Variants in CARMIL1 observed in about 807,000 individuals in gnomAD.
CARMIL1 encodes F-actin-uncapping protein LRRC16A.
A neutral mutation model predicts 177.1 loss-of-function variants in CARMIL1; 90 were observed. The ratio of observed to expected loss-of-function variants is 0.51; its 90% CI spans 0.43 to 0.61. CARMIL1 has a LOEUF of 0.61. Among genes scored for constraint, CARMIL1 ranks in the 20% least tolerant of loss-of-function variants. The pLI is 0.00. For synonymous variants in CARMIL1, 577 were observed against 606.2 expected (o/e 0.95, Z 0.71); for missense variants, 1,380 against 1,667.0 (o/e 0.83, Z 3.00).
chr6:25,587,161 C>T (rs905068608), intron 31 of CARMIL1, among the ~76,000 whole-genome samples: 91 of 152,174 alleles, frequency 6.0e-4, no homozygotes, highest in African/African-American at 2.1e-3. Context: ...GATATTTTAG[C>T]TATATGTTTT....
At chr6:25,406,956 G>GAAT (rs144837983) in intron 2 of CARMIL1, among the ~76,000 whole-genome samples, 64,742 of 151,452 alleles carry the variant, frequency 0.43, 13,986 homozygotes, top group Middle Eastern at 0.57. Flanking sequence ...ATGTGACTAG[G>GAAT]AATAACCACA....
At chr6:25,311,127 A>G (rs1783785379) in intron 2 of CARMIL1, among the ~76,000 whole-genome samples, 1 of 152,192 alleles carries the variant, frequency 6.6e-6, no homozygotes, top group Admixed American at 6.5e-5. Flanking sequence ...GGTTGCAGTG[A>G]GCCAAGATCG....
intron 29 of CARMIL1, among the ~76,000 whole-genome samples, chr6:25,567,997 G>C (rs1811702344): frequency 6.6e-6 from 1 of 152,116 alleles, no homozygotes; most frequent in Non-Finnish European, 1.5e-5. Context: ...CCATCTCTCA[G>C]GGCCGAGGCC....
At chr6:25,374,549 G>C (rs1262276316) in intron 2 of CARMIL1, among the ~76,000 whole-genome samples, 1 of 152,296 alleles carries the variant, frequency 6.6e-6, no homozygotes, top group East Asian at 1.9e-4. Flanking sequence ...ATTTGTTCTA[G>C]AGTATAGTTT....
At chr6:25,514,529 G>A (rs558421545) in intron 20 of CARMIL1, among the ~76,000 whole-genome samples, 21 of 139,888 alleles carry the variant, frequency 1.5e-4, no homozygotes, top group African/African-American at 5.5e-4. Flanking sequence ...CAGCTTGGGG[G>A]GACAGAGCGA....
intron 2 of CARMIL1, among the ~76,000 whole-genome samples, chr6:25,294,097 G>A (rs1229045172): frequency 6.6e-6 from 1 of 152,180 alleles, no homozygotes; most frequent in Non-Finnish European, 1.5e-5. Context: ...CTTTAGATAT[G>A]TGTAGATGCA....
intron 2 of CARMIL1, among the ~76,000 whole-genome samples, chr6:25,402,702 G>A (rs1213123372): frequency 2.6e-5 from 4 of 152,066 alleles, no homozygotes; most frequent in African/African-American, 4.8e-5. Flanking sequence ...GTCACACTTC[G>A]AGTGCTTAGT....
chr6:25,478,392 C>G (rs998769441), intron 11 of CARMIL1, among the ~76,000 whole-genome samples: 7 of 152,152 alleles, frequency 4.6e-5, no homozygotes, highest in African/African-American at 1.7e-4. Flanking sequence ...TGTACCTCAG[C>G]TTCCTTATAT....
At chr6:25,432,463 AT>A (rs1365337761) in intron 4 of CARMIL1, among the ~76,000 whole-genome samples, 1 of 152,050 alleles carries the variant, frequency 6.6e-6, no homozygotes, top group Non-Finnish European at 1.5e-5. Flanking sequence ...TACTATTGCT[AT>A]TTTCCCCTTT....
intron 35 of CARMIL1, among the ~76,000 whole-genome samples, chr6:25,609,721 A>C (rs1195108826): frequency 6.6e-6 from 1 of 152,344 alleles, no homozygotes; most frequent in South Asian, 2.1e-4. Flanking sequence ...TATTTTATGA[A>C]AACCAAACAG....
Position 25,426,549 on chromosome 6 carries a change from A to C in CARMIL1, c.238A>C (p.Lys80Gln), listed in dbSNP as rs1796294360. The C allele has an allele frequency of 6.2e-7, 1 of 1,612,362 alleles. No individual in the cohort carries two copies. Among genetic ancestry groups the C allele is most frequent in the African/African-American group, 1.3e-5 (1 of 74,836 alleles). The change falls in exon 4 of 37, where the codon AAG becomes CAG. Residue 80 changes from lysine to glutamine, a missense_variant. By Grantham distance (53) the Lys-to-Gln change is moderately conservative (BLOSUM62 1). Transcript: ENST00000329474. ...YLEIHGVVCS[K>Q]SAQMIVETEK... Reference sequence around the variant, plus strand: ...GGAGATTCATGGCGTCGTTTGCAGCAAGTCAGCTCAGGTGAGTGTGAAAAA... The same window carrying C: ...GGAGATTCATGGCGTCGTTTGCAGCCAGTCAGCTCAGGTGAGTGTGAAAAA...
chr6:25,337,545 C>T (rs115684586), intron 2 of CARMIL1, among the ~76,000 whole-genome samples: 2 of 152,284 alleles, frequency 1.3e-5, no homozygotes, highest in East Asian at 1.9e-4. Context: ...CCAACATCCT[C>T]GAACAGATCC....
At chr6:25,469,054 A>ATAAGGGG (rs1800876691) in intron 9 of CARMIL1, among the ~76,000 whole-genome samples, 1 of 152,208 alleles carries the variant, frequency 6.6e-6, no homozygotes, top group Non-Finnish European at 1.5e-5. Flanking sequence ...AATTATACTG[A>ATAAGGGG]TAAGGGTGTC....
chr6:25,356,589 G>A (rs1015657874), intron 2 of CARMIL1, among the ~76,000 whole-genome samples: 9 of 152,202 alleles, frequency 5.9e-5, no homozygotes, highest in South Asian at 2.1e-4. Flanking sequence ...GTCCCAGCAC[G>A]GAAAGATGTA....
chr6:25,339,726 T>C (rs927015401), intron 2 of CARMIL1, among the ~76,000 whole-genome samples: 4 of 152,176 alleles, frequency 2.6e-5, no homozygotes, highest in Admixed American at 2.0e-4. Context: ...GATAGTGGTG[T>C]AGATGCAGGG....
chr6:25,357,679 T>G (rs915375803), intron 2 of CARMIL1, among the ~76,000 whole-genome samples: 4 of 152,208 alleles, frequency 2.6e-5, no homozygotes, highest in Non-Finnish European at 5.9e-5. Flanking sequence ...AAGCTGCAGT[T>G]TACTCCATCA....
intron 29 of CARMIL1, among the ~76,000 whole-genome samples, chr6:25,572,179 A>C (rs188266505): frequency 7.4e-4 from 113 of 152,258 alleles, no homozygotes; most frequent in African/African-American, 2.5e-3. Flanking sequence ...TAAATGGTTC[A>C]GAATTTTTTT....
At chr6:25,308,676 G>A (rs981004363) in intron 2 of CARMIL1, among the ~76,000 whole-genome samples, 4 of 112,000 alleles carry the variant, frequency 3.6e-5, no homozygotes, top group East Asian at 2.3e-4. Context: ...CCACTGTTCC[G>A]GCCATTTTTT....
At position 25,619,633 on chromosome 6, in the gene CARMIL1, A is replaced by G; in HGVS notation, c.*50A>G. Reference sequence around the variant, plus strand: ...TGTGCAGGGTGCTTTGGTAGCCATCAGAGAGGAACCAAGGGCAACATCTTT... The same window carrying G: ...TGTGCAGGGTGCTTTGGTAGCCATCGGAGAGGAACCAAGGGCAACATCTTT... On this transcript the variant is annotated 3_prime_UTR_variant, in exon 37 of 37. Coordinates refer to ENST00000329474, the MANE Select transcript of CARMIL1 (RefSeq NM_017640.6). 1 of 1,560,700 alleles carries G rather than the reference A, an allele frequency of 6.4e-7. No homozygotes were observed. Among genetic ancestry groups the G allele is most frequent in the African/African-American group, 1.4e-5 (1 of 72,150 alleles).
Sources: allele counts gnomAD v4.1 joint callset (sites outside exome capture counted in the v4.1 genomes callset), GRCh38; gene constraint gnomAD v4.1.1; transcripts MANE v1.5; gene names NCBI Gene and HGNC (gene_info 2026-07-23, HGNC 2026-07-21).